ZW10: variants seen among roughly 807,000 people sequenced by gnomAD.
ZW10 encodes zw10 kinetochore protein, also known as centromere/kinetochore protein zw10 homolog.
A neutral mutation model predicts 87.8 loss-of-function variants in ZW10; 53 were observed. That is an observed-to-expected ratio of 0.60 (90% confidence interval 0.48 to 0.76). The LOEUF (loss-of-function observed/expected upper bound fraction) is 0.76. ZW10 is among the 30% of genes least tolerant of loss of function. The pLI is 0.00. For synonymous variants in ZW10, 312 were observed against 329.2 expected (o/e 0.95, Z 0.57); for missense variants, 837 against 923.0 (o/e 0.91, Z 1.21).
At chr11:113,749,513 A>C (rs1255091425) in intron 7 of ZW10, among the ~76,000 whole-genome samples, 3 of 152,192 alleles carry the variant, frequency 2.0e-5, no homozygotes, top group African/African-American at 7.2e-5. Context: ...AAAATTGCAC[A>C]GAACTACAGA....
At chr11:113,739,516 G>A in intron 11 of ZW10, 134 bp from the exon 12 acceptor site, 1 of 748,884 alleles carries the variant, frequency 1.3e-6, no homozygotes, top group South Asian at 2.4e-5. Context: ...TACATAACAA[G>A]ATACAATCTC....
chr11:113,739,618 G>A (rs972499503), intron 11 of ZW10, among the ~76,000 whole-genome samples: 2 of 152,150 alleles, frequency 1.3e-5, no homozygotes, highest in African/African-American at 4.8e-5. Context: ...GAAAGATTAA[G>A]GGAATCAAGA....
intron 14 of ZW10, among the ~76,000 whole-genome samples, chr11:113,737,324 T>C (rs1242914184): frequency 1.3e-5 from 2 of 152,176 alleles, no homozygotes; most frequent in African/African-American, 4.8e-5. Flanking sequence ...TCAGGACCAC[T>C]ACCCAGTTTC....
In ZW10 at chr11:113,733,810, C is replaced by T. The variant is rs1219456758; in HGVS notation, c.2224G>A (p.Ala742Thr). The T allele has an allele frequency of 6.3e-7, 1 of 1,598,550 alleles. No homozygotes were observed. The highest frequency in any genetic ancestry group is 8.5e-7 in the Non-Finnish European group (1 of 1,172,190). ...GCTGCCAGGGGTCCTTTTCCATCTG[C>T]CCACCTGCAAAACGAAAGATAGAGT... ...ASLQEIGDRW[A>T]DGKGPLAAAF... Residue 742 changes from alanine to threonine, a missense_variant, in exon 16 of 16, where the codon GCA (alanine) becomes ACA (threonine). By Grantham distance (58) the Ala-to-Thr change is moderately conservative (BLOSUM62 0). Transcript: ENST00000200135.
At chr11:113,748,746 A>G (rs1276471393) in intron 7 of ZW10, among the ~76,000 whole-genome samples, 1 of 152,206 alleles carries the variant, frequency 6.6e-6, no homozygotes, top group Non-Finnish European at 1.5e-5. Flanking sequence ...CTAACTTGAA[A>G]CTAGTTTAGA....
chr11:113,745,815 T>C lies in ZW10; in HGVS notation c.1272+1716A>G, dbSNP rs188219261. Among the ~76,000 whole-genome samples the C allele has an allele frequency of 2.0e-3, 308 of 152,278 alleles. 2 individuals are homozygous for C. Among genetic ancestry groups the C allele is most frequent in the African/African-American group, 6.9e-3 (287 of 41,548 alleles). ...AGTACACATAGGGGAATAAAGAGAATTGAGAAACAGACCATGAAAAGCAAT... is the reference window on the plus strand; with the variant it reads ...AGTACACATAGGGGAATAAAGAGAACTGAGAAACAGACCATGAAAAGCAAT... On this transcript the variant is annotated intron_variant, in intron 9 of 15. Coordinates refer to ENST00000200135, the MANE Select transcript of ZW10 (RefSeq NM_004724.4).
intron 7 of ZW10, among the ~76,000 whole-genome samples, chr11:113,753,145 ATTAGTTATTT>A (rs1258316217): frequency 2.0e-5 from 3 of 152,008 alleles, no homozygotes; most frequent in Non-Finnish European, 4.4e-5. Context: ...CCTAGTACCC[ATTAGTTATTT>A]TTCCTGATCC....
At chr11:113,762,282 A>C (rs1286140756) in intron 2 of ZW10, among the ~76,000 whole-genome samples, 1 of 152,204 alleles carries the variant, frequency 6.6e-6, no homozygotes, top group Non-Finnish European at 1.5e-5. Flanking sequence ...AATACAGCAT[A>C]AAAATGGTAC....
At chr11:113,755,173 T>C (rs1187169749) in intron 7 of ZW10, among the ~76,000 whole-genome samples, 2 of 152,184 alleles carry the variant, frequency 1.3e-5, no homozygotes, top group African/African-American at 4.8e-5. Flanking sequence ...AGAAATAAAA[T>C]AGCTGCTACA....
At chr11:113,772,745 G>A (rs1190026660) in intron 1 of ZW10, among the ~76,000 whole-genome samples, 1 of 151,498 alleles carries the variant, frequency 6.6e-6, no homozygotes, top group African/African-American at 2.4e-5. Context: ...GGCCGAGGCG[G>A]GTGGATCACC....
chr11:113,733,571 C>T lies in ZW10; in HGVS notation c.*123G>A. The T allele has an allele frequency of 1.5e-6, 2 of 1,371,080 alleles. No individual in the cohort carries two copies. Among genetic ancestry groups the T allele is most frequent in the African/African-American group, 2.9e-5 (2 of 69,368 alleles). The allele number at this position is 1,371,080 out of a possible 1,614,324, so 84.9% of individuals were successfully genotyped here. A position where few individuals can be genotyped will look rare whatever the true frequency, so the allele number is the denominator to read the frequency against. ...GAGGTAAGACGTTCTTCTGTAAAGT[C>T]AAACTTCCAAGATGTACTGGTTCAC... is the stretch of plus-strand genomic sequence containing the variant. On this transcript the variant is annotated 3_prime_UTR_variant, in exon 16 of 16. Coordinates refer to ENST00000200135, the MANE Select transcript of ZW10 (RefSeq NM_004724.4).
intron 9 of ZW10, among the ~76,000 whole-genome samples, chr11:113,746,803 C>T (rs1239076398): frequency 6.6e-6 from 1 of 152,046 alleles, no homozygotes; most frequent in South Asian, 2.1e-4. Flanking sequence ...GTCCAGGATG[C>T]CTGCAGCATA....
At chr11:113,769,986 CCCAAAACAAATGAGTTAGCA>C (rs1376546133) in intron 1 of ZW10, 3 of 201,302 alleles carry the variant, frequency 1.5e-5, no homozygotes, top group East Asian at 1.8e-4. Flanking sequence ...GCTTCACAGC[CCCAAAACAAATGAGTTAGCA>C]CCAAAACAAA....
Position 113,738,265 on chromosome 11 carries a change from T to C in ZW10, c.1883A>G (p.Gln628Arg), listed in dbSNP as rs754238344. Residue 628 changes from glutamine to arginine, a missense_variant and splice_region_variant, in exon 13 of 16, where the codon CAG (glutamine) becomes CGG (arginine). Physicochemically the swap from Gln to Arg is conservative, Grantham distance 43. Transcript: ENST00000200135. Reference protein sequence around the residue: ...NYSAASKAVRQVLHQLKRLGI... With the variant: ...NYSAASKAVRRVLHQLKRLGI... ...TCAGTGCTAGCAAGAGCCTCCTACC[T>C]GCCGGACTGCTTTACTTGCTGCAGA... 1.2e-6 allele frequency: 2 copies of C among 1,606,402 alleles called. No individual in the cohort carries two copies. Among genetic ancestry groups the C allele is most frequent in the Admixed American group, 3.4e-5 (2 of 58,480 alleles).
At chr11:113,764,577 C>T (rs1233849406) in intron 2 of ZW10, among the ~76,000 whole-genome samples, 2 of 151,974 alleles carry the variant, frequency 1.3e-5, no homozygotes, top group Non-Finnish European at 2.9e-5. Flanking sequence ...CTTCTATAAG[C>T]TTTTTTCTAT....
chr11:113,742,731 T>G (rs1953634780), intron 10 of ZW10, among the ~76,000 whole-genome samples: 1 of 152,228 alleles, frequency 6.6e-6, no homozygotes, highest in Non-Finnish European at 1.5e-5. Context: ...CAGTCCTATA[T>G]TCATTTTGCC....
chr11:113,733,515 C>T lies in ZW10; in HGVS notation c.*179G>A, dbSNP rs563624895. ...TTACTTGACAATTTATCTTAATAAA[C>T]AGTTCTTAAACAAAGCCTCGTACAG... On this transcript the variant is annotated 3_prime_UTR_variant, in exon 16 of 16. Transcript: ENST00000200135. 1,095 of 669,708 alleles carry T rather than the reference C, an allele frequency of 1.6e-3. 13 individuals are homozygous for T. The South Asian group carries it at 0.022, about 13-fold the overall frequency. 41.5% of individuals were successfully genotyped at this position (669,708 alleles called of 1,614,324 possible). A position where few individuals can be genotyped will look rare whatever the true frequency, so the allele number is the denominator to read the frequency against.
chr11:113,757,373 T>A (rs1953800556), intron 7 of ZW10, among the ~76,000 whole-genome samples: 1 of 152,242 alleles, frequency 6.6e-6, no homozygotes, highest in Admixed American at 6.5e-5. Flanking sequence ...TTTGTGACGG[T>A]ACTGGGAGTC....
At chr11:113,744,410 A>G (rs1418792735) in intron 9 of ZW10, among the ~76,000 whole-genome samples, 1 of 151,894 alleles carries the variant, frequency 6.6e-6, no homozygotes, top group Non-Finnish European at 1.5e-5. Context: ...CTCAAAAAAA[A>G]CAAATATAAG....
Sources: gnomAD v4.1 joint callset for allele counts (sites outside exome capture counted in the v4.1 genomes callset) on GRCh38, gnomAD v4.1.1 for gene constraint, MANE v1.5 for transcripts, NCBI Gene and HGNC (gene_info 2026-07-23, HGNC 2026-07-21) for gene names.